The following HTT variants were observed in gnomAD, a reference collection of about 807,000 sequenced individuals.
HTT encodes huntingtin, also known as huntington disease protein.
HTT carries 104 observed loss-of-function variants against 362.3 expected under a neutral mutation model. The observed-to-expected ratio is 0.29, with a 90% CI of 0.24 to 0.34. The LOEUF (loss-of-function observed/expected upper bound fraction) is 0.34, where lower values mean the gene tolerates loss of function less well. HTT is among the 10% of genes least tolerant of loss of function. The pLI, the probability that HTT is intolerant of heterozygous loss-of-function variation, is 1.00. For missense variants in HTT, 3,301 were observed against 3,928.6 expected (o/e 0.84, Z 4.27); for synonymous variants, 1,577 against 1,548.7 (o/e 1.02, Z -0.43).
chr4:3,132,460 C>G (rs1715866750), intron 16 of HTT, 102 bp from the exon 17 acceptor site: 1 of 969,506 alleles, frequency 1.0e-6, no homozygotes, highest in African/African-American at 1.6e-5. Context: ...TGGATCTTCT[C>G]TTCACACCTC....
chr4:3,199,097 G>T (rs898383365), intron 40 of HTT, among the ~76,000 whole-genome samples: 1 of 152,234 alleles, frequency 6.6e-6, no homozygotes, highest in African/African-American at 2.4e-5. Context: ...GATTCGAGGC[G>T]CTGAGTGTTC....
At chr4:3,166,738 G>A (rs781780231) in intron 29 of HTT, among the ~76,000 whole-genome samples, 9 of 152,256 alleles carry the variant, frequency 5.9e-5, no homozygotes, top group Admixed American at 1.3e-4. Flanking sequence ...CGTGGGACCC[G>A]CTGAGCCAGG....
chr4:3,159,797 T>C (rs1402295916), intron 28 of HTT, among the ~76,000 whole-genome samples: 1 of 152,252 alleles, frequency 6.6e-6, no homozygotes. Flanking sequence ...CTGTATAATT[T>C]AATTACATGA....
chr4:3,198,215 A>ATTTTTTTT lies in HTT; in HGVS notation c.5369-1496_5369-1489dup, dbSNP rs200014691. Among the ~76,000 whole-genome samples, 3 of 60,380 alleles carry ATTTTTTTT rather than the reference A, an allele frequency of 5.0e-5. 1 individual carries two copies. The highest frequency in any genetic ancestry group is 1.3e-4 in the African/African-American group (2 of 15,166). 39.6% of individuals were successfully genotyped at this position (60,380 alleles called of 152,430 possible). A position where few individuals can be genotyped will look rare whatever the true frequency, so the allele number is the denominator to read the frequency against. ...ACCCTTTCACTTTGGGGATGTGTTGATTTTTTTTTTTTTTTTTTTTTTTTT... is the reference window on the plus strand; with the variant it reads ...ACCCTTTCACTTTGGGGATGTGTTGATTTTTTTTTTTTTTTTTTTTTTTTTTTTTTTTT... On this transcript the variant is annotated intron_variant, in intron 40 of 66. Coordinates refer to ENST00000355072, the MANE Select transcript of HTT (RefSeq NM_001388492.1).
chr4:3,126,011 A>G (rs1460754493), intron 11 of HTT, among the ~76,000 whole-genome samples: 1 of 152,200 alleles, frequency 6.6e-6, no homozygotes, highest in East Asian at 1.9e-4. Context: ...TTAACTTGAA[A>G]GAATCTGCCT....
In HTT at chr4:3,229,044, C is replaced by T. The variant is rs116514586; in HGVS notation, c.8109+35C>T. On this transcript the variant is annotated intron_variant, in intron 59 of 66. Transcript: ENST00000355072. ...CCTTCCCATTCCCCTCACACCTGCA[C>T]GTGCCACACGCACCACACACGCCAC... The T allele has an allele frequency of 6.9e-3, 10,936 of 1,594,552 alleles. 560 individuals carry two copies. The African/African-American group carries it at 0.12, about 17-fold the overall frequency.
Position 3,130,354 on chromosome 4 carries a change from T to A in HTT, c.1917T>A (p.Pro639=). The change falls in exon 14 of 67, where the codon CCT becomes CCA. Residue 639 remains proline (P), a synonymous_variant. Transcript: ENST00000355072. ...AAAACATGAGTCACTGCAGGCAGCC[T>A]TCTGACAGCAGTGTTGATAAATTTG... is the stretch of plus-strand genomic sequence containing the variant. The part of the protein sequence containing the change: ...LLKNMSHCRQ[P]SDSSVDKFVL... 2 of 1,608,800 alleles carry A rather than the reference T, an allele frequency of 1.2e-6. No individual in the cohort carries two copies. The highest frequency in any genetic ancestry group is 1.7e-6 in the Non-Finnish European group (2 of 1,176,590).
intron 56 of HTT, 38 bp downstream of exon 56, chr4:3,224,169 T>G (rs777444943): frequency 1.2e-6 from 2 of 1,609,188 alleles, no homozygotes; most frequent in Non-Finnish European, 1.7e-6. Context: ...CGGTTGTACT[T>G]GGGCTAGAAT....
At position 3,242,434 on chromosome 4, in the gene HTT, A is replaced by G. The variant is rs926673894; in HGVS notation, c.*2375A>G. The G allele has an allele frequency of 3.3e-5, 5 of 152,234 alleles. No individual in the cohort carries two copies. The highest frequency in any genetic ancestry group is 1.2e-4 in the African/African-American group (5 of 41,458). The allele number at this position is 152,234 out of a possible 1,614,324, so 9.4% of individuals were successfully genotyped here. On this transcript the variant is annotated 3_prime_UTR_variant, in exon 67 of 67. Transcript: ENST00000355072. ...TAGACACATCTATAATTTTACACAC[A>G]CACCTCTCAAGACGGAGATGCATGG...
At chr4:3,178,596 G>C in intron 35 of HTT, 150 bp downstream of exon 35, 1 of 658,712 alleles carries the variant, frequency 1.5e-6, no homozygotes, top group Non-Finnish European at 2.6e-6. Context: ...GTACTGGTTA[G>C]AGACGTTTCA....
At chr4:3,136,382 G>A (rs1015483518) in intron 21 of HTT, 56 bp downstream of exon 21, 5 of 891,506 alleles carry the variant, frequency 5.6e-6, no homozygotes, top group East Asian at 2.5e-5. Flanking sequence ...TAAAAGATAC[G>A]AGAATGGAAA....
chr4:3,193,566 G>A (rs187036141), intron 40 of HTT, among the ~76,000 whole-genome samples: 1 of 152,070 alleles, frequency 6.6e-6, no homozygotes, highest in Admixed American at 6.6e-5. Context: ...GTCTTATTGC[G>A]CTGATTTCCT....
chr4:3,228,655 C>A lies in HTT; in HGVS notation c.7889C>A (p.Pro2630His). The change falls in exon 58 of 67, where the codon CCC (proline) becomes CAC (histidine). Residue 2630 changes from proline to histidine, a missense_variant. Physicochemically the swap from Pro to His is moderately conservative, Grantham distance 77. Around this residue, in one of 4 missense-constraint regions of HTT, gnomAD observed 753 missense variants for 1,021.3 expected, o/e 0.74. Transcript: ENST00000355072. The surrounding 1 kb of genome is among the most constrained non-coding windows in gnomAD (Gnocchi z 4.3). The part of the protein sequence containing the change: ...HSVWLGNSIT[P>H]LREEEWDEEE... ...GTGTGGCTGGGGAACAGCATCACAC[C>A]CCTGAGGGAGGAGGAATGGGACGAG... 6.2e-7 allele frequency: 1 copy of A among 1,607,358 alleles called. No individual in the cohort carries two copies. Among genetic ancestry groups the A allele is most frequent in the Non-Finnish European group, 8.5e-7 (1 of 1,176,490 alleles).
intron 2 of HTT, among the ~76,000 whole-genome samples, chr4:3,089,952 G>A (rs1713413395): frequency 6.6e-6 from 1 of 152,086 alleles, no homozygotes; most frequent in South Asian, 2.1e-4. Flanking sequence ...AGGAGTTTTT[G>A]GAGTCAGAGA....
intron 2 of HTT, among the ~76,000 whole-genome samples, chr4:3,098,174 C>T (rs1441891372): frequency 6.6e-6 from 1 of 152,198 alleles, no homozygotes; most frequent in African/African-American, 2.4e-5. Context: ...ATTTCAAAGA[C>T]CTTTCCTCAG....
chr4:3,168,599 G>A (rs1314088101), intron 29 of HTT, among the ~76,000 whole-genome samples: 2 of 151,958 alleles, frequency 1.3e-5, no homozygotes, highest in African/African-American at 4.8e-5. Context: ...TTATGCATTG[G>A]ATTTTTCTTT....
rs1715290983 is a variant in HTT at position 3,121,428 on chromosome 4, T to C, written c.1269T>C (p.Leu423=). ...GCCGTAGTGGGAGTATTGTGGAACT[T>C]ATAGGCAAGTTATTAGCAAGGTCTA... ...GRSRSGSIVE[L]IAGGGSSCSP... is the part of the protein sequence containing the mutation. Residue 423 remains leucine (L), a synonymous_variant, in exon 9 of 67, where the codon CTT becomes CTC. Coordinates refer to ENST00000355072, the MANE Select transcript of HTT (RefSeq NM_001388492.1). 3.1e-6 allele frequency: 5 copies of C among 1,609,684 alleles called. No individual in the cohort carries two copies. In the African/African-American group the frequency reaches 4.0e-5, roughly 13 times the overall value.
chr4:3,171,256 A>T (rs1379508158), intron 29 of HTT, among the ~76,000 whole-genome samples: 1 of 152,182 alleles, frequency 6.6e-6, no homozygotes, highest in Admixed American at 6.5e-5. Flanking sequence ...TTTGAAACCA[A>T]CAAGAATCTA....
intron 2 of HTT, 100 bp from the exon 3 acceptor site, chr4:3,099,174 C>G: frequency 1.3e-6 from 1 of 740,890 alleles, no homozygotes; most frequent in Non-Finnish European, 2.2e-6. Context: ...TGTCCTTTTT[C>G]TGTTCCAGAA....
Sources: allele counts gnomAD v4.1 joint callset (sites outside exome capture counted in the v4.1 genomes callset), GRCh38; gene constraint gnomAD v4.1.1; regional missense constraint gnomAD v4.1.1; non-coding constraint Gnocchi (gnomAD v3.1); transcripts MANE v1.5; gene names NCBI Gene and HGNC (gene_info 2026-07-23, HGNC 2026-07-21).